The following TSPAN4 variants were observed in gnomAD, a reference collection of about 807,000 sequenced individuals.
TSPAN4 encodes tetraspanin-4.
TSPAN4 carries 38 observed loss-of-function variants against 31.5 expected under a neutral mutation model. The ratio of observed to expected loss-of-function variants is 1.21; its 90% CI spans 0.93 to 1.58. TSPAN4 has a LOEUF of 1.58. Ranked by LOEUF, TSPAN4 falls within the 40% of genes most tolerant of loss-of-function variation. TSPAN4 has a pLI of 0.00. For synonymous variants in TSPAN4, 186 were observed against 144.6 expected (o/e 1.29, Z -2.06); for missense variants, 330 against 317.3 (o/e 1.04, Z -0.30).
chr11:844,706 TG>T (rs772515493), intron 1 of TSPAN4: 418 of 30,804 alleles, frequency 0.014, 1 homozygote, highest in East Asian at 0.022. Flanking sequence ...GCCTGGCTTC[TG>T]GGGGGGGGGG....
intron 1 of TSPAN4, chr11:843,771 G>C (rs1249199721): frequency 6.5e-6 from 1 of 153,090 alleles, no homozygotes; most frequent in Non-Finnish European, 1.5e-5. Context: ...GGCACCCATG[G>C]GGGGCTCTGG....
At chr11:854,846 C>T (rs1847960154) in intron 3 of TSPAN4, among the ~76,000 whole-genome samples, 1 of 152,350 alleles carries the variant, frequency 6.6e-6, no homozygotes, top group African/African-American at 2.4e-5. Flanking sequence ...CACAGTGTCC[C>T]CAAGGGTGGC....
chr11:862,389 A>G, intron 3 of TSPAN4, 161 bp from the exon 4 acceptor site: 1 of 628,122 alleles, frequency 1.6e-6, no homozygotes, highest in South Asian at 2.1e-5. Flanking sequence ...TGCCCTGGAC[A>G]CCCCCCCGGG....
At chr11:861,876 T>C (rs1459260946) in intron 3 of TSPAN4, among the ~76,000 whole-genome samples, 3 of 152,232 alleles carry the variant, frequency 2.0e-5, no homozygotes, top group African/African-American at 7.2e-5. Flanking sequence ...TGAGCCCAGA[T>C]GGTGCCACTG....
intron 3 of TSPAN4, among the ~76,000 whole-genome samples, chr11:853,411 T>C (rs1031702672): frequency 1.3e-5 from 2 of 152,142 alleles, no homozygotes; most frequent in Non-Finnish European, 2.9e-5. Context: ...CCCTGGTCAC[T>C]GACGGCCTGG....
At position 862,603 on chromosome 11, in the gene TSPAN4, G is replaced by T. The variant is rs1474854087; in HGVS notation, c.117G>T (p.Gly39=). The stretch of plus-strand genomic sequence containing the variant: ...GCATCTGGCTGGCCGCCACACAGGG[G>T]AGCTTCGCCACGCTGTCCTCTTCCT... ...GVGIWLAATQ[G]SFATLSSSFP... is the part of the protein sequence containing the mutation. Residue 39 remains glycine, a synonymous_variant, in exon 4 of 9, where the codon GGG becomes GGT. Coordinates refer to ENST00000397397, the MANE Select transcript of TSPAN4 (RefSeq NM_003271.5). The T allele has an allele frequency of 2.5e-6, 4 of 1,612,826 alleles. No individual in the cohort carries two copies. Among genetic ancestry groups the T allele is most frequent in the Non-Finnish European group, 3.4e-6 (4 of 1,179,792 alleles).
chr11:866,478 C>A, intron 8 of TSPAN4, 84 bp from the exon 9 acceptor site: 1 of 1,324,998 alleles, frequency 7.5e-7, no homozygotes, highest in Non-Finnish European at 1.0e-6. Flanking sequence ...AGGGCCAGGG[C>A]ACCTGCTGAG....
At chr11:863,038 C>T (rs969292903) in intron 4 of TSPAN4, 6 of 309,604 alleles carry the variant, frequency 1.9e-5, no homozygotes, top group Non-Finnish European at 3.6e-5. Context: ...CACAGCCCCG[C>T]ACACACGTAC....
intron 1 of TSPAN4, among the ~76,000 whole-genome samples, chr11:844,822 C>T (rs567642072): frequency 9.9e-5 from 15 of 152,232 alleles, no homozygotes; most frequent in Admixed American, 6.5e-5. Context: ...TGGGCTCCCC[C>T]GGCTGCTTCC....
intron 2 of TSPAN4, among the ~76,000 whole-genome samples, chr11:847,620 C>G (rs1401906313): frequency 6.7e-6 from 1 of 148,472 alleles, no homozygotes; most frequent in Non-Finnish European, 1.5e-5. Context: ...CACCCCCCCC[C>G]AACCCCGCTC....
chr11:862,546 C>T lies in TSPAN4; in HGVS notation c.64-4C>T. 1 of 1,602,136 alleles carries T rather than the reference C, an allele frequency of 6.2e-7. No individual in the cohort carries two copies. The highest frequency in any genetic ancestry group is 8.5e-7 in the Non-Finnish European group (1 of 1,175,584). On this transcript the variant is annotated splice_region_variant and splice_polypyrimidine_tract_variant and intron_variant, in intron 3 of 8. Coordinates refer to ENST00000397397, the MANE Select transcript of TSPAN4 (RefSeq NM_003271.5). Reference sequence around the variant, plus strand: ...TCTGTGTCTCTCCTGTTGCTGTGCCCCAGCTGGGAGGCTGTGGCGTGCTGG... The same window carrying T: ...TCTGTGTCTCTCCTGTTGCTGTGCCTCAGCTGGGAGGCTGTGGCGTGCTGG...
intron 3 of TSPAN4, among the ~76,000 whole-genome samples, chr11:860,772 G>A (rs1395053211): frequency 6.6e-6 from 1 of 152,184 alleles, no homozygotes; most frequent in Non-Finnish European, 1.5e-5. Flanking sequence ...CCTCAGGCAT[G>A]TGGTCTGGGT....
rs1565128397 is a variant in TSPAN4 at position 847,312 on chromosome 11, C to A, written c.-18+12C>A. 1 of 152,252 alleles carries A rather than the reference C, an allele frequency of 6.6e-6. No individual in the cohort carries two copies. 9.4% of individuals were successfully genotyped at this position (152,252 alleles called of 1,614,324 possible). ...TGTGGCCAGCCCAGGTATGTCAGGGCCCGGCTGGGCTGGATGGTTGTGGTG... is the reference window on the plus strand; with the variant it reads ...TGTGGCCAGCCCAGGTATGTCAGGGACCGGCTGGGCTGGATGGTTGTGGTG... On this transcript the variant is annotated intron_variant, in intron 2 of 8. Coordinates refer to ENST00000397397, the MANE Select transcript of TSPAN4 (RefSeq NM_003271.5).
chr11:848,427 A>T lies in TSPAN4; in HGVS notation c.-18+1127A>T, dbSNP rs1847437972. On this transcript the variant is annotated intron_variant, in intron 2 of 8. Coordinates refer to ENST00000397397, the MANE Select transcript of TSPAN4 (RefSeq NM_003271.5). This position sits in a 1 kb window ranked among gnomAD's most constrained non-coding sequence, Gnocchi z 5.7. ...CCCTTCCCCCAGCGAGGACCTGGGC[A>T]TGGGGTGCTGCCCTGGGGCTTGGGC... is the stretch of plus-strand genomic sequence containing the variant. Among the ~76,000 whole-genome samples the T allele has an allele frequency of 6.6e-6, 1 of 151,936 alleles. No homozygotes were observed.
At chr11:863,726 C>G (rs1042795835) in intron 4 of TSPAN4, 4 of 153,420 alleles carry the variant, frequency 2.6e-5, no homozygotes, top group African/African-American at 9.6e-5. Context: ...AGCCCAGCAC[C>G]CTGTCTGCCC....
chr11:859,840 G>A (rs1162826860), intron 3 of TSPAN4: 2 of 152,224 alleles, frequency 1.3e-5, no homozygotes. Context: ...GCTGGGCACT[G>A]TGCCCAGGTC....
At position 865,997 on chromosome 11, in the gene TSPAN4, T is replaced by G. The variant is rs898761200; in HGVS notation, c.644T>G (p.Val215Gly). The stretch of plus-strand genomic sequence containing the variant: ...ATCTTTGGGCTGTGCACGGCGCTGG[T>G]GCAGGTATGGCCTGGGGGCCTGCGG... ...VGIFGLCTAL[V>G]QILGLTFAMT... The change falls in exon 8 of 9, where the codon GTG (valine) becomes GGG (glycine). Residue 215 changes from valine to glycine, a missense_variant. Physicochemically the swap from Val to Gly is moderately radical, Grantham distance 109. Coordinates refer to ENST00000397397, the MANE Select transcript of TSPAN4 (RefSeq NM_003271.5). The G allele has an allele frequency of 6.2e-7, 1 of 1,611,988 alleles. No individual in the cohort carries two copies. Among genetic ancestry groups the G allele is most frequent in the South Asian group, 1.1e-5 (1 of 91,000 alleles).
At chr11:862,311 C>T in intron 3 of TSPAN4, 3 of 547,756 alleles carry the variant, frequency 5.5e-6, no homozygotes, top group South Asian at 5.0e-5. Flanking sequence ...GGGAGCCTCC[C>T]CGACTGTGGC....
intron 5 of TSPAN4, 116 bp from the exon 6 acceptor site, chr11:865,397 C>T (rs1255815187): frequency 5.0e-5 from 39 of 772,692 alleles, no homozygotes; most frequent in Admixed American, 1.9e-4. Context: ...CTAGGAGGCG[C>T]GGGGGACACA....
Sources: gnomAD v4.1 joint callset for allele counts (sites outside exome capture counted in the v4.1 genomes callset) on GRCh38, gnomAD v4.1.1 for gene constraint, Gnocchi (gnomAD v3.1) non-coding constraint, MANE v1.5 for transcripts, NCBI Gene and HGNC (gene_info 2026-07-23, HGNC 2026-07-21) for gene names.